PLOD3: variants seen among roughly 807,000 people sequenced by gnomAD.
PLOD3 encodes the protein procollagen-lysine,2-oxoglutarate 5-dioxygenase 3.
In PLOD3, 73 loss-of-function variants were observed where a neutral mutation model predicts 96.9. The ratio of observed to expected loss-of-function variants is 0.75; its 90% CI spans 0.62 to 0.92. The LOEUF is 0.92. Ranked by LOEUF, PLOD3 falls within the 40% of genes least tolerant of loss-of-function variation. The pLI is 0.00. For synonymous variants in PLOD3, 454 were observed against 413.7 expected (o/e 1.10, Z -1.18); for missense variants, 1,004 against 1,004.3 (o/e 1.00, Z 0.00).
chr7:101,215,304 C>A, intron 5 of PLOD3, 152 bp from the exon 6 acceptor site: 1 of 719,172 alleles, frequency 1.4e-6, no homozygotes. Context: ...ACCTCTGCCT[C>A]CCGGTTTAAT....
chr7:101,208,772 T>C (rs1195685888), intron 16 of PLOD3, 81 bp downstream of exon 16: 1 of 955,188 alleles, frequency 1.0e-6, no homozygotes, highest in Non-Finnish European at 1.7e-6. Flanking sequence ...TGCTCCCATT[T>C]TCCTGATTCC....
chr7:101,216,173 G>C lies in PLOD3; in HGVS notation c.492C>G (p.Leu164=). The change falls in exon 4 of 19, where the codon CTC becomes CTG. Residue 164 remains leucine (L), a synonymous_variant. Transcript: ENST00000223127. The part of the protein sequence containing the change: ...YPEVGTGKRF[L]NSGGFIGFAT... ...CACTCTGCCACTCACCACCAGAATT[G>C]AGGAAGCGCTTCCCCGTGCCCACCT... The C allele has an allele frequency of 6.2e-7, 1 of 1,614,034 alleles. No individual in the cohort carries two copies. Among genetic ancestry groups the C allele is most frequent in the African/African-American group, 1.3e-5 (1 of 75,038 alleles).
Position 101,211,603 on chromosome 7 carries a change from T to C in PLOD3, c.1346A>G (p.Gln449Arg). 1 of 1,601,952 alleles carries C rather than the reference T, an allele frequency of 6.2e-7. No homozygotes were observed. The highest frequency in any genetic ancestry group is 8.5e-7 in the Non-Finnish European group (1 of 1,175,184). The change falls in exon 12 of 19, where the codon CAG (glutamine) becomes CGG (arginine). Residue 449 changes from glutamine (Q) to arginine (R), a missense_variant. Around this residue, in one of 5 missense-constraint regions of PLOD3, gnomAD observed 690 missense variants for 650.2 expected, o/e 1.06. Transcript: ENST00000223127. Reference sequence around the variant, plus strand: ...TGGCGGGACTCACACTCGCTTCCGCTGCACCAGCTCCACGTAGTCCTCGGA... The same window carrying C: ...TGGCGGGACTCACACTCGCTTCCGCCGCACCAGCTCCACGTAGTCCTCGGA... ...ARSEDYVELV[Q>R]RKRVGVWNVP...
In PLOD3 at chr7:101,213,134, A is replaced by G. The variant is rs1310436489; in HGVS notation, c.750T>C (p.Ile250=). The G allele has an allele frequency of 6.2e-7, 1 of 1,613,396 alleles. No homozygotes were observed. ...IRNVAYDTLP[I]VVHGNGPTKL... is the part of the protein sequence containing the mutation. ...TAGTGGGACCGTTTCCATGGACCAC[A>G]ATGGGGAGCGTGTCGTAGGCCACGT... is the stretch of plus-strand genomic sequence containing the variant. The change falls in exon 7 of 19, where the codon ATT becomes ATC. Residue 250 remains isoleucine, a synonymous_variant. Transcript: ENST00000223127.
At position 101,215,099 on chromosome 7, in the gene PLOD3, G is replaced by C. The variant is rs778033206; in HGVS notation, c.669C>G (p.Asn223Lys). Residue 223 changes from asparagine to lysine, a missense_variant, in exon 6 of 19, where the codon AAC becomes AAG. Asn to Lys is a moderately conservative substitution (Grantham distance 94, BLOSUM62 0). This residue lies in a region of PLOD3 where 690 missense variants were observed against 650.2 expected (regional missense o/e 1.06). Coordinates refer to ENST00000223127, the MANE Select transcript of PLOD3 (RefSeq NM_001084.5). ...TGTCTTCCTCCTCACCTAAAGCCCC[G>C]TTGAGGTTCTGAAAGATCCGAGACT... ...DHKSRIFQNL[N>K]GALDEVVLKF... The C allele has an allele frequency of 2.5e-6, 4 of 1,612,398 alleles. No individual in the cohort carries two copies. Among genetic ancestry groups the C allele is most frequent in the Non-Finnish European group, 2.5e-6 (3 of 1,178,454 alleles).
Position 101,216,451 on chromosome 7 carries a change from T to C in PLOD3, c.297A>G (p.Lys99=), listed in dbSNP as rs746362805. ...KVRWLKKEME[K]YADREDMIIM... is the part of the protein sequence containing the mutation. ...TGATCATATCCTCCCGGTCAGCGTATTTCTCCATTTCCTTCTTTAACCACC... is the reference window on the plus strand; with the variant it reads ...TGATCATATCCTCCCGGTCAGCGTACTTCTCCATTTCCTTCTTTAACCACC... Residue 99 remains lysine, a synonymous_variant, in exon 3 of 19, where the codon AAA becomes AAG. Coordinates refer to ENST00000223127, the MANE Select transcript of PLOD3 (RefSeq NM_001084.5). 2 of 1,614,148 alleles carry C rather than the reference T, an allele frequency of 1.2e-6. No individual in the cohort carries two copies. The highest frequency in any genetic ancestry group is 3.3e-5 in the Admixed American group (2 of 60,014).
At chr7:101,214,797 A>C (rs1798242013) in intron 6 of PLOD3, among the ~76,000 whole-genome samples, 1 of 152,120 alleles carries the variant, frequency 6.6e-6, no homozygotes, top group Non-Finnish European at 1.5e-5. Context: ...AGATTGGACC[A>C]CTGCACTCCG....
intron 6 of PLOD3, among the ~76,000 whole-genome samples, chr7:101,214,187 C>A (rs76641019): frequency 1.3e-5 from 2 of 151,286 alleles, no homozygotes; most frequent in Non-Finnish European, 2.9e-5. Context: ...AGTGCAGTGG[C>A]GCAATCTCGG....
intron 6 of PLOD3, among the ~76,000 whole-genome samples, chr7:101,214,636 G>A (rs1277881522): frequency 6.6e-6 from 1 of 152,034 alleles, no homozygotes; most frequent in Non-Finnish European, 1.5e-5. Flanking sequence ...TTGGGAGTTC[G>A]AGACTAGCCT....
Position 101,212,959 on chromosome 7 carries a change from TGAGGC to T in PLOD3, c.778-21_778-17del, listed in dbSNP as rs1798210455. 1 of 1,588,918 alleles carries T rather than the reference TGAGGC, an allele frequency of 6.3e-7. No homozygotes were observed. Among genetic ancestry groups the T allele is most frequent in the African/African-American group, 1.3e-5 (1 of 74,404 alleles). On this transcript the variant is annotated splice_polypyrimidine_tract_variant and intron_variant, in intron 7 of 18. Coordinates refer to ENST00000223127, the MANE Select transcript of PLOD3 (RefSeq NM_001084.5). Reference sequence around the variant, plus strand: ...TGAGCTGCAGCTGTTGGGGACAGACTGAGGCTGAGTGGCTGAGGCCTCCAGGGGTG... The same window carrying T: ...TGAGCTGCAGCTGTTGGGGACAGACTTGAGTGGCTGAGGCCTCCAGGGGTG...
At chr7:101,210,942 G>A in intron 12 of PLOD3, 1 of 453,300 alleles carries the variant, frequency 2.2e-6, no homozygotes, top group South Asian at 2.2e-5. Context: ...ATGCAGTGGT[G>A]TGATCTTGGC....
rs1798249831 is a variant in PLOD3 at position 101,215,244 on chromosome 7, G to A, written c.616-92C>T. 3 of 982,108 alleles carry A rather than the reference G, an allele frequency of 3.1e-6. No homozygotes were observed. In the African/African-American group the frequency reaches 4.8e-5, roughly 16 times the overall value. The allele number at this position is 982,108 out of a possible 1,614,324, so 60.8% of individuals were successfully genotyped here. ...TTTCTCTCTCTTTTTTTCTTCTCTTGCTTTTGTTGCTTAGGCTGGAGTGCA... is the reference window on the plus strand; with the variant it reads ...TTTCTCTCTCTTTTTTTCTTCTCTTACTTTTGTTGCTTAGGCTGGAGTGCA... On this transcript the variant is annotated intron_variant, in intron 5 of 18. Transcript: ENST00000223127.
chr7:101,206,120 G>C lies in PLOD3; in HGVS notation c.*161C>G. The C allele has an allele frequency of 1.2e-6, 1 of 817,936 alleles. No individual in the cohort carries two copies. The highest frequency in any genetic ancestry group is 2.1e-6 in the Non-Finnish European group (1 of 477,894). The allele number at this position is 817,936 out of a possible 1,614,324, so 50.7% of individuals were successfully genotyped here. On this transcript the variant is annotated 3_prime_UTR_variant, in exon 19 of 19. Transcript: ENST00000223127. Reference sequence around the variant, plus strand: ...GGGGACTCCGGGAGCTTCCTGAGAGGGCCGTGTCTTGGGAGCAAGGTGACA... The same window carrying C: ...GGGGACTCCGGGAGCTTCCTGAGAGCGCCGTGTCTTGGGAGCAAGGTGACA...
Position 101,215,900 on chromosome 7 carries a change from T to C in PLOD3, c.615+8A>G. The C allele has an allele frequency of 6.3e-7, 1 of 1,588,224 alleles. No homozygotes were observed. The highest frequency in any genetic ancestry group is 8.6e-7 in the Non-Finnish European group (1 of 1,156,458). On this transcript the variant is annotated splice_region_variant and intron_variant, in intron 5 of 18. Transcript: ENST00000223127. ...TGCGGGATGCGCCCACTCCTCTGCC[T>C]TCCCTACCCTCAGTCCTGGGTCCAG...
rs1584253918 is a variant in PLOD3 at position 101,212,781 on chromosome 7, C to T, written c.879+61G>A. The T allele has an allele frequency of 2.8e-5, 44 of 1,556,470 alleles. No individual in the cohort carries two copies. The East Asian group carries it at 9.4e-4, about 33-fold the overall frequency. ...CCCCCACCGCCCCCCAGTCCGCTGT[C>T]CTTGTACCTCCTGCTCAGCACGCTG... On this transcript the variant is annotated intron_variant, in intron 8 of 18. Transcript: ENST00000223127.
At chr7:101,215,244 G>T in intron 5 of PLOD3, 92 bp from the exon 6 acceptor site, 1 of 982,108 alleles carries the variant, frequency 1.0e-6, no homozygotes, top group Non-Finnish European at 1.7e-6. Context: ...TTCTTCTCTT[G>T]CTTTTGTTGC....
In PLOD3 at chr7:101,213,194, A is replaced by G. The variant is rs1165885826; in HGVS notation, c.690T>C (p.Val230=). 2 of 1,611,558 alleles carry G rather than the reference A, an allele frequency of 1.2e-6. No homozygotes were observed. The highest frequency in any genetic ancestry group is 2.7e-5 in the African/African-American group (2 of 74,848). ...GCACACGGTTCCGATCAAACTTTAA[A>G]ACCACTTCATCTGGGGAAGAAAAAG... ...QNLNGALDEV[V]LKFDRNRVRI... The change falls in exon 7 of 19, where the codon GTT becomes GTC. Residue 230 remains valine (V), a synonymous_variant. Coordinates refer to ENST00000223127, the MANE Select transcript of PLOD3 (RefSeq NM_001084.5).
rs137857342 is a variant in PLOD3 at position 101,211,867 on chromosome 7, C to T, written c.1211G>A (p.Arg404His). Reference sequence around the variant, plus strand: ...CCACCTGTTCTCCTCAATGAGGATACGCAGGGTCTGCAGGTTGGTGAGGAC... The same window carrying T: ...CCACCTGTTCTCCTCAATGAGGATATGCAGGGTCTGCAGGTTGGTGAGGAC... ...DAVLTNLQTL[R>H]ILIEENRKVI... Residue 404 changes from arginine (R) to histidine (H), a missense_variant, in exon 11 of 19, where the codon CGT becomes CAT. Transcript: ENST00000223127. The T allele has an allele frequency of 3.3e-5, 53 of 1,612,168 alleles. No homozygotes were observed. In the African/African-American group the frequency reaches 3.6e-4, roughly 11 times the overall value.
intron 6 of PLOD3, 117 bp from the exon 7 acceptor site, chr7:101,213,321 C>G (rs1260795878): frequency 5.3e-6 from 4 of 756,856 alleles, no homozygotes; most frequent in Non-Finnish European, 9.4e-6. Context: ...CCAGGGCTAT[C>G]CTGGAGTGTG....
Sources: allele counts gnomAD v4.1 joint callset (sites outside exome capture counted in the v4.1 genomes callset), GRCh38; gene constraint gnomAD v4.1.1; regional missense constraint gnomAD v4.1.1; transcripts MANE v1.5; gene names NCBI Gene and HGNC (gene_info 2026-07-23, HGNC 2026-07-21).